The following FRS2 variants were observed in gnomAD, a reference collection of about 807,000 sequenced individuals.
The protein encoded by FRS2 is FGFR signalling adaptor.
A neutral mutation model predicts 43.9 loss-of-function variants in FRS2; 8 were observed. The observed-to-expected ratio is 0.18, with a 90% CI of 0.11 to 0.33. The LOEUF is 0.33. Among genes scored for constraint, FRS2 ranks in the 10% least tolerant of loss-of-function variants. The probability of loss-of-function intolerance (pLI) is 1.00; values close to 1 mark genes in which losing one functional copy is unlikely to be tolerated. For missense variants in FRS2, 534 were observed against 627.6 expected (o/e 0.85, Z 1.59); for synonymous variants, 219 against 220.3 (o/e 0.99, Z 0.05).
At position 69,574,119 on chromosome 12, in the gene FRS2, G is replaced by C; in HGVS notation, c.691G>C (p.Glu231Gln). 1 of 1,614,150 alleles carries C rather than the reference G, an allele frequency of 6.2e-7. No individual in the cohort carries two copies. The highest frequency in any genetic ancestry group is 8.5e-7 in the Non-Finnish European group (1 of 1,179,968). ...CGCTGAAAGCAGCACACCAAAAGAA[G>C]AACCAAGTAGTATTGAGGACAGGGA... is the stretch of plus-strand genomic sequence containing the variant. ...SNAESSTPKE[E>Q]PSSIEDRDPQ... The change falls in exon 9 of 9, where the codon GAA becomes CAA. Residue 231 changes from glutamate to glutamine, a missense_variant. Physicochemically the swap from Glu to Gln is conservative, Grantham distance 29. Transcript: ENST00000549921.
At chr12:69,507,834 G>A (rs944812311) in intron 1 of FRS2, among the ~76,000 whole-genome samples, 2 of 152,012 alleles carry the variant, frequency 1.3e-5, no homozygotes, top group Non-Finnish European at 2.9e-5. Context: ...AGACCAGCCT[G>A]ACCAACATGG....
intron 1 of FRS2, among the ~76,000 whole-genome samples, chr12:69,526,793 G>C (rs1029919562): frequency 6.6e-6 from 1 of 151,502 alleles, no homozygotes; most frequent in African/African-American, 2.4e-5. Context: ...GCACGATCTC[G>C]GCTCACTGCA....
rs1460423385 is a variant in FRS2 at position 69,515,188 on chromosome 12, C to T, written c.-260-15677C>T. Reference sequence around the variant, plus strand: ...AGTGCTAACTACTTAATTAAACTGACTTTTAATGTCTTTTCTGTCCTGATG... The same window carrying T: ...AGTGCTAACTACTTAATTAAACTGATTTTTAATGTCTTTTCTGTCCTGATG... On this transcript the variant is annotated intron_variant, in intron 1 of 8. Coordinates refer to ENST00000549921, the MANE Select transcript of FRS2 (RefSeq NM_001278356.2). Among the ~76,000 whole-genome samples the T allele has an allele frequency of 2.0e-5, 3 of 152,202 alleles. No homozygotes were observed. In the East Asian group the frequency reaches 5.8e-4, roughly 29 times the overall value.
rs1401845681 is a variant in FRS2, at chr12:69,491,507, T to G, written c.-261+20977T>G. The stretch of plus-strand genomic sequence containing the variant: ...CCTATCTTTGGTGCGTTTCTTCCAT[T>G]TTTTTTTTTTTTTTTTTTTTTTGGA... On this transcript the variant is annotated intron_variant, in intron 1 of 8. Transcript: ENST00000549921. 1.7e-4 allele frequency: 9 copies of G among 51,978 alleles called. No homozygotes were observed. The East Asian group carries it at 0.02, about 116-fold the overall frequency. 3.2% of individuals were successfully genotyped at this position (51,978 alleles called of 1,614,324 possible). A position where few individuals can be genotyped will look rare whatever the true frequency, so the allele number is the denominator to read the frequency against.
At chr12:69,482,335 T>C (rs1174765645) in intron 1 of FRS2, among the ~76,000 whole-genome samples, 1 of 152,226 alleles carries the variant, frequency 6.6e-6, no homozygotes. Context: ...CTTAAGGTTT[T>C]CCTAAGGTAA....
intron 1 of FRS2, among the ~76,000 whole-genome samples, chr12:69,511,645 G>A (rs191093171): frequency 4.6e-5 from 7 of 152,288 alleles, no homozygotes; most frequent in Admixed American, 1.3e-4. Flanking sequence ...CAGTCGTTGA[G>A]TTCTATGATC....
At chr12:69,494,807 C>T (rs1872737648) in intron 1 of FRS2, among the ~76,000 whole-genome samples, 2 of 152,084 alleles carry the variant, frequency 1.3e-5, no homozygotes, top group Non-Finnish European at 1.5e-5. Flanking sequence ...GAGTTTTGCT[C>T]TTGTTGCCCA....
chr12:69,519,741 G>T (rs1334643970), intron 1 of FRS2, among the ~76,000 whole-genome samples: 1 of 152,130 alleles, frequency 6.6e-6, no homozygotes, highest in Non-Finnish European at 1.5e-5. Context: ...ACATGATCTT[G>T]TTCTTTTTTA....
chr12:69,482,453 T>C (rs1871431192), intron 1 of FRS2, among the ~76,000 whole-genome samples: 1 of 152,168 alleles, frequency 6.6e-6, no homozygotes. Flanking sequence ...CCATTCCCAG[T>C]TAAAGCTGGA....
chr12:69,572,394 A>G, intron 8 of FRS2, 113 bp downstream of exon 8: 1 of 850,104 alleles, frequency 1.2e-6, no homozygotes, highest in Non-Finnish European at 1.8e-6. Flanking sequence ...CTGTTTGTAA[A>G]TTACTTTTGT....
At chr12:69,569,374 A>G (rs1443587567) in intron 5 of FRS2, among the ~76,000 whole-genome samples, 1 of 151,986 alleles carries the variant, frequency 6.6e-6, no homozygotes, top group Non-Finnish European at 1.5e-5. Flanking sequence ...CAATCTCATC[A>G]CTATCTGTCT....
intron 1 of FRS2, among the ~76,000 whole-genome samples, chr12:69,492,067 T>C (rs1807171662): frequency 6.6e-6 from 1 of 152,236 alleles, no homozygotes. Context: ...ATTATGTGGT[T>C]GCAAGCACTG....
intron 1 of FRS2, among the ~76,000 whole-genome samples, chr12:69,482,730 TC>T (rs1004043111): frequency 4.0e-4 from 61 of 152,346 alleles, no homozygotes; most frequent in African/African-American, 1.4e-3. Context: ...GGAAGAAAGT[TC>T]CGAGGGCTCT....
At chr12:69,535,785 T>TA (rs1447593632) in intron 3 of FRS2, among the ~76,000 whole-genome samples, 1 of 152,184 alleles carries the variant, frequency 6.6e-6, no homozygotes, top group Non-Finnish European at 1.5e-5. Context: ...GTTTCTCTAG[T>TA]AAGAAAGACA....
rs749023113 is a variant in FRS2 at position 69,574,743 on chromosome 12, G to A, written c.1315G>A (p.Val439Ile). The change falls in exon 9 of 9, where the codon GTT becomes ATT. Residue 439 changes from valine (V) to isoleucine (I), a missense_variant. This residue lies in a region of FRS2 where 446 missense variants were observed against 494.2 expected (regional missense o/e 0.90). Transcript: ENST00000549921. ...ACACAGGCAGCTTAATTACATACAG[G>A]TTGACTTGGAAGGTGGCAGTGACTC... ...LEHRQLNYIQ[V>I]DLEGGSDSDN... is the part of the protein sequence containing the mutation. The A allele has an allele frequency of 1.2e-5, 19 of 1,614,058 alleles. No individual in the cohort carries two copies. The highest frequency in any genetic ancestry group is 1.6e-5 in the Non-Finnish European group (19 of 1,180,048).
intron 2 of FRS2, among the ~76,000 whole-genome samples, chr12:69,531,672 A>G (rs1876810933): frequency 6.6e-6 from 1 of 152,190 alleles, no homozygotes; most frequent in African/African-American, 2.4e-5. Flanking sequence ...CACCGAAAAA[A>G]AAAAAGGACC....
chr12:69,511,640 G>A (rs1171744848), intron 1 of FRS2, among the ~76,000 whole-genome samples: 2 of 152,154 alleles, frequency 1.3e-5, no homozygotes, highest in Non-Finnish European at 2.9e-5. Flanking sequence ...TAGGTCAGTC[G>A]TTGAGTTCTA....
At chr12:69,503,497 C>G (rs1873649998) in intron 1 of FRS2, among the ~76,000 whole-genome samples, 1 of 152,200 alleles carries the variant, frequency 6.6e-6, no homozygotes, top group Non-Finnish European at 1.5e-5. Context: ...ATTCTGCCTA[C>G]TACTGACAGT....
At chr12:69,480,719 G>A (rs944223604) in intron 1 of FRS2, among the ~76,000 whole-genome samples, 2 of 151,442 alleles carry the variant, frequency 1.3e-5, no homozygotes, top group Admixed American at 1.3e-4. Flanking sequence ...CCTTTTTTTG[G>A]GTAGTCTTAT....
Sources: allele counts gnomAD v4.1 joint callset (sites outside exome capture counted in the v4.1 genomes callset), GRCh38; gene constraint gnomAD v4.1.1; regional missense constraint gnomAD v4.1.1; transcripts MANE v1.5; gene names NCBI Gene and HGNC (gene_info 2026-07-23, HGNC 2026-07-21).